Variants in TENT5D observed in about 807,000 individuals in gnomAD.
The protein encoded by TENT5D is cancer/testis antigen 112.
For missense variants in TENT5D, 191 were observed against 287.0 expected (o/e 0.67, Z 2.42); for synonymous variants, 103 against 100.6 (o/e 1.02, Z -0.15).
chrX:80,408,961 C>T (rs1341587424), intron 3 of TENT5D, among the ~76,000 whole-genome samples: 1 of 111,037 alleles, frequency 9.0e-6, no homozygotes, highest in African/African-American at 3.3e-5. Flanking sequence ...AATCAATAAA[C>T]GTAATTCAGC....
chrX:80,421,389 A>G (rs1931881017), intron 1 of TENT5D, among the ~76,000 whole-genome samples: 1 of 111,153 alleles, frequency 9.0e-6, no homozygotes, highest in Non-Finnish European at 1.9e-5. Context: ...GGGTTTCACC[A>G]TGTTGGCCAG....
At chrX:80,409,415 A>G (rs1321472871) in intron 3 of TENT5D, among the ~76,000 whole-genome samples, 2 of 111,498 alleles carry the variant, frequency 1.8e-5, no homozygotes, top group Admixed American at 9.5e-5. Context: ...AGGATACAAA[A>G]TCAATGTACA....
chrX:80,397,755 C>T (rs957838010), intron 3 of TENT5D, among the ~76,000 whole-genome samples: 20 of 112,690 alleles, frequency 1.8e-4, no homozygotes, highest in African/African-American at 5.8e-4. Flanking sequence ...AGCGAAACCC[C>T]GTCTCCACCA....
At chrX:80,341,836 C>G (rs1195937416) in intron 2 of TENT5D, among the ~76,000 whole-genome samples, 3 of 105,233 alleles carry the variant, frequency 2.9e-5, no homozygotes, top group Non-Finnish European at 3.9e-5. Flanking sequence ...CTCAGCCTCC[C>G]GAGTAGCTGG....
chrX:80,387,591 C>T (rs950384432), intron 3 of TENT5D, among the ~76,000 whole-genome samples: 29 of 111,663 alleles, frequency 2.6e-4, no homozygotes, highest in Admixed American at 9.5e-4. Context: ...TTACTTTCCC[C>T]GAAACAAAGT....
chrX:80,354,473 T>G (rs1159477780), intron 3 of TENT5D, among the ~76,000 whole-genome samples: 1 of 112,342 alleles, frequency 8.9e-6, no homozygotes, highest in Non-Finnish European at 1.9e-5. Flanking sequence ...CAGCTCAATC[T>G]ATTCTGTTAT....
intron 3 of TENT5D, among the ~76,000 whole-genome samples, chrX:80,347,738 G>A (rs1930094124): frequency 8.9e-6 from 1 of 112,064 alleles, no homozygotes; most frequent in African/African-American, 3.2e-5. Flanking sequence ...TAGTCATGAA[G>A]TCTTTGCCCA....
At chrX:80,421,684 C>T (rs899972254) in intron 1 of TENT5D, among the ~76,000 whole-genome samples, 1 of 111,947 alleles carries the variant, frequency 8.9e-6, no homozygotes, top group Admixed American at 9.5e-5. Context: ...TTATCATTCA[C>T]CCTTTTTCTC....
chrX:80,441,869 T>C (rs1427827141), intron 2 of TENT5D, among the ~76,000 whole-genome samples: 1 of 110,658 alleles, frequency 9.0e-6, no homozygotes, highest in Non-Finnish European at 1.9e-5. Flanking sequence ...TTGACATTCC[T>C]TCAACTAACA....
At chrX:80,409,998 T>A (rs1199449101) in intron 3 of TENT5D, among the ~76,000 whole-genome samples, 2 of 109,064 alleles carry the variant, frequency 1.8e-5, no homozygotes, top group East Asian at 5.8e-4. Flanking sequence ...GGGGAAAGGA[T>A]TCCCTATTTA....
intron 3 of TENT5D, among the ~76,000 whole-genome samples, chrX:80,353,828 C>T (rs895200163): frequency 7.1e-5 from 8 of 112,313 alleles, no homozygotes; most frequent in African/African-American, 2.6e-4. Flanking sequence ...GGTAGATCTG[C>T]TTTAAATTCT....
intron 2 of TENT5D, among the ~76,000 whole-genome samples, chrX:80,339,906 A>G (rs1464508811): frequency 9.1e-6 from 1 of 109,300 alleles, no homozygotes; most frequent in Non-Finnish European, 1.9e-5. Flanking sequence ...GTTATCAAAA[A>G]GATTGTTTCT....
chrX:80,421,933 TTG>T (rs1277851741), intron 1 of TENT5D, among the ~76,000 whole-genome samples: 1 of 111,038 alleles, frequency 9.0e-6, no homozygotes, highest in Non-Finnish European at 1.9e-5. Flanking sequence ...GAGGAGTTAT[TTG>T]TGTGTCGGGG....
At chrX:80,377,794 C>T (rs1930765471) in intron 3 of TENT5D, among the ~76,000 whole-genome samples, 1 of 111,770 alleles carries the variant, frequency 8.9e-6, no homozygotes, top group Non-Finnish European at 1.9e-5. Flanking sequence ...AATTCTAGAT[C>T]CTTGAGGAAT....
intron 3 of TENT5D, among the ~76,000 whole-genome samples, chrX:80,399,064 CTCT>C (rs1284504863): frequency 1.1e-4 from 12 of 111,547 alleles, no homozygotes; most frequent in Non-Finnish European, 2.3e-4. Flanking sequence ...TCTAGGATGT[CTCT>C]TCATTTTGTT....
intron 2 of TENT5D, among the ~76,000 whole-genome samples, chrX:80,341,980 G>T (rs1385424441): frequency 1.8e-5 from 2 of 110,089 alleles, no homozygotes; most frequent in African/African-American, 3.3e-5. Flanking sequence ...CAAAGTGCTG[G>T]GACTACAGGC....
chrX:80,419,299 T>G (rs1931838180), upstream of TENT5D, among the ~76,000 whole-genome samples: 1 of 112,189 alleles, frequency 8.9e-6, no homozygotes, highest in Non-Finnish European at 1.9e-5. Flanking sequence ...CAGTGTAACA[T>G]TCTTTATATA....
At chrX:80,349,636 G>A (rs949352997) in intron 3 of TENT5D, among the ~76,000 whole-genome samples, 4 of 110,017 alleles carry the variant, frequency 3.6e-5, no homozygotes, top group Admixed American at 9.7e-5. Flanking sequence ...AGGGTTTCTC[G>A]TGTCTCTATC....
chrX:80,439,658 A>G (rs1460110868), intron 2 of TENT5D, among the ~76,000 whole-genome samples: 1 of 110,910 alleles, frequency 9.0e-6, no homozygotes, highest in Non-Finnish European at 1.9e-5. Flanking sequence ...TTGATTATTC[A>G]TGTTAATAGA....
Sources: gnomAD v4.1 joint callset for allele counts (sites outside exome capture counted in the v4.1 genomes callset) on GRCh38, gnomAD v4.1.1 for gene constraint, MANE v1.5 for transcripts, NCBI Gene and HGNC (gene_info 2026-07-23, HGNC 2026-07-21) for gene names.